The following CWC22 variants were observed in gnomAD, a reference collection of about 807,000 sequenced individuals.
The protein encoded by CWC22 is CWC22 spliceosome associated protein, also known as pre-mRNA-splicing factor CWC22 homolog.
In CWC22, 53 loss-of-function variants were observed where a neutral mutation model predicts 117.2. The ratio of observed to expected loss-of-function variants is 0.45; its 90% confidence interval spans 0.36 to 0.57. The LOEUF is 0.57. Among genes scored for constraint, CWC22 ranks in the 20% least tolerant of loss-of-function variants. The pLI, the probability that CWC22 is intolerant of heterozygous loss-of-function variation, is 0.00. For synonymous variants in CWC22, 360 were observed against 355.6 expected (o/e 1.01, Z -0.14); for missense variants, 980 against 1,068.8 (o/e 0.92, Z 1.16).
chr2:179,964,861 TTTTG>T, intron 12 of CWC22, among the ~76,000 whole-genome samples: 1 of 152,294 alleles, frequency 6.6e-6, no homozygotes, highest in South Asian at 2.1e-4. Context: ...AGAAAACTAT[TTTTG>T]TTTATCTGTT....
At chr2:179,987,308 A>G (rs1404198573) in intron 3 of CWC22, among the ~76,000 whole-genome samples, 1 of 152,224 alleles carries the variant, frequency 6.6e-6, no homozygotes, top group Non-Finnish European at 1.5e-5. Context: ...ATTAGCAAAC[A>G]AGGATGGATA....
At chr2:179,989,070 C>A (rs377540076) in intron 2 of CWC22, among the ~76,000 whole-genome samples, 1 of 151,754 alleles carries the variant, frequency 6.6e-6, no homozygotes, top group South Asian at 2.1e-4. Flanking sequence ...TCCCTAACCA[C>A]CCCCCTACTC....
chr2:179,953,323 C>A (rs1575638286), intron 16 of CWC22, among the ~76,000 whole-genome samples: 1 of 152,026 alleles, frequency 6.6e-6, no homozygotes, highest in Non-Finnish European at 1.5e-5. Flanking sequence ...TGAGATATTG[C>A]CTCATTCTAC....
At chr2:180,004,742 A>G (rs1559300461) in intron 1 of CWC22, among the ~76,000 whole-genome samples, 1 of 151,340 alleles carries the variant, frequency 6.6e-6, no homozygotes, top group Non-Finnish European at 1.5e-5. Flanking sequence ...CAGCTGGGAA[A>G]GCTAACAGAG....
At chr2:179,954,111 T>C (rs1453771860) in intron 16 of CWC22, 94 bp downstream of exon 16, 2 of 886,062 alleles carry the variant, frequency 2.3e-6, no homozygotes, top group East Asian at 2.6e-5. Flanking sequence ...TTAAAGCACA[T>C]TTCATAATAG....
intron 14 of CWC22, among the ~76,000 whole-genome samples, chr2:179,956,903 T>C (rs1019669859): frequency 2.6e-5 from 4 of 152,062 alleles, no homozygotes; most frequent in African/African-American, 9.7e-5. Context: ...AATTACCTTC[T>C]TCCCTAGACT....
At chr2:179,972,014 A>T (rs1687047863) in intron 8 of CWC22, among the ~76,000 whole-genome samples, 2 of 152,222 alleles carry the variant, frequency 1.3e-5, no homozygotes, top group Non-Finnish European at 2.9e-5. Context: ...CAATGCCAAA[A>T]ATCTCTAGTC....
chr2:179,969,596 C>T (rs111329265), intron 11 of CWC22, among the ~76,000 whole-genome samples: 9 of 152,204 alleles, frequency 5.9e-5, no homozygotes, highest in African/African-American at 1.7e-4. Context: ...TACATTTTGC[C>T]CAATGGTGCT....
At chr2:180,004,532 C>CA (rs1223026727) in intron 1 of CWC22, among the ~76,000 whole-genome samples, 1 of 152,142 alleles carries the variant, frequency 6.6e-6, no homozygotes, top group Non-Finnish European at 1.5e-5. Context: ...GCTGGGGCTA[C>CA]AAGCGCACAG....
At chr2:180,002,111 G>T (rs1285663697) in intron 1 of CWC22, among the ~76,000 whole-genome samples, 1 of 152,140 alleles carries the variant, frequency 6.6e-6, no homozygotes, top group Non-Finnish European at 1.5e-5. Flanking sequence ...TTTGCTACAG[G>T]AAACCTCTAA....
At chr2:179,960,407 C>A (rs1469357207) in intron 13 of CWC22, among the ~76,000 whole-genome samples, 1 of 151,830 alleles carries the variant, frequency 6.6e-6, no homozygotes, top group Non-Finnish European at 1.5e-5. Flanking sequence ...GATAAAACAA[C>A]AGGTAGAATG....
At chr2:179,977,064 G>C (rs1048683146) in intron 6 of CWC22, among the ~76,000 whole-genome samples, 2 of 152,146 alleles carry the variant, frequency 1.3e-5, no homozygotes, top group African/African-American at 4.8e-5. Flanking sequence ...GCTGAGGTGA[G>C]AGAATTCCTT....
At chr2:179,962,096 T>C (rs1299346480) in intron 13 of CWC22, among the ~76,000 whole-genome samples, 5 of 152,096 alleles carry the variant, frequency 3.3e-5, no homozygotes, top group African/African-American at 9.7e-5. Context: ...GACTGGAATA[T>C]CGTTTAAAAG....
At chr2:179,978,048 T>C in intron 6 of CWC22, 142 bp downstream of exon 6, 1 of 1,076,546 alleles carries the variant, frequency 9.3e-7, no homozygotes, top group East Asian at 3.4e-5. Context: ...TATATTTTTA[T>C]AAGTCCTGCA....
intron 14 of CWC22, among the ~76,000 whole-genome samples, chr2:179,958,017 A>G (rs953247017): frequency 2.6e-5 from 4 of 152,128 alleles, no homozygotes; most frequent in Non-Finnish European, 4.4e-5. Context: ...TATCTGCTGA[A>G]TACATTTTCA....
intron 5 of CWC22, 119 bp from the exon 6 acceptor site, chr2:179,978,437 C>A (rs570369262): frequency 9.1e-7 from 1 of 1,094,420 alleles, no homozygotes; most frequent in Non-Finnish European, 1.2e-6. Context: ...AAACGACCCC[C>A]AAGTACAGTA....
At position 179,964,639 on chromosome 2, in the gene CWC22, CAT is replaced by C. The variant is rs1402155189; in HGVS notation, c.1316-13_1316-12del. ...TAGTTACTTTTTGTCCTGAAAGAAA[CAT>C]AACAAAATTACACAACTGCAAAAAT... On this transcript the variant is annotated splice_polypyrimidine_tract_variant and intron_variant, in intron 12 of 19. Coordinates refer to ENST00000410053, the MANE Select transcript of CWC22 (RefSeq NM_020943.3). 6.9e-7 allele frequency: 1 copy of C among 1,448,338 alleles called. No homozygotes were observed. Among genetic ancestry groups the C allele is most frequent in the Non-Finnish European group, 9.4e-7 (1 of 1,058,534 alleles). 89.7% of individuals were successfully genotyped at this position (1,448,338 alleles called of 1,614,324 possible).
rs1294674069 is a variant in CWC22 at position 179,981,844 on chromosome 2, A to T, written c.360T>A (p.Asp120Glu). 6.2e-7 allele frequency: 1 copy of T among 1,613,634 alleles called. No individual in the cohort carries two copies. Among genetic ancestry groups the T allele is most frequent in the South Asian group, 1.1e-5 (1 of 91,034 alleles). The change falls in exon 5 of 20, where the codon GAT becomes GAA. Residue 120 changes from aspartate (D) to glutamate (E), a missense_variant. Physicochemically the swap from Asp to Glu is conservative, Grantham distance 45 (BLOSUM62 2). Transcript: ENST00000410053. ...QDEPATKKKK[D>E]ELDPLLTRTG... ...TGCGAGTAAGAAGAGGATCCAGCTCATCTTTCTTTTTCTTTGTAGCAGGTT... is the reference window on the plus strand; with the variant it reads ...TGCGAGTAAGAAGAGGATCCAGCTCTTCTTTCTTTTTCTTTGTAGCAGGTT...
At chr2:179,958,253 C>A (rs1029648951) in intron 14 of CWC22, among the ~76,000 whole-genome samples, 1 of 149,586 alleles carries the variant, frequency 6.7e-6, no homozygotes, top group African/African-American at 2.5e-5. Flanking sequence ...ATTGCTTGAA[C>A]CTGGGAGGCA....
Sources: allele counts gnomAD v4.1 joint callset (sites outside exome capture counted in the v4.1 genomes callset), GRCh38; gene constraint gnomAD v4.1.1; transcripts MANE v1.5; gene names NCBI Gene and HGNC (gene_info 2026-07-23, HGNC 2026-07-21).